TMED8: variants seen among roughly 807,000 people sequenced by gnomAD.
The protein encoded by TMED8 is transmembrane p24 trafficking protein family member 8.
Under a neutral mutation model 32.7 loss-of-function variants are expected in TMED8, and 15 were observed. The observed-to-expected ratio is 0.46, with a 90% CI of 0.31 to 0.71. The LOEUF is 0.71. TMED8 is among the 30% of genes least tolerant of loss of function. The pLI is 0.06. For missense variants in TMED8, 390 were observed against 423.9 expected (o/e 0.92, Z 0.70); for synonymous variants, 147 against 161.4 (o/e 0.91, Z 0.68).
intron 3 of TMED8, among the ~76,000 whole-genome samples, chr14:77,345,659 CA>C (rs11297608): frequency 0.21 from 21,492 of 101,160 alleles, 1,424 homozygotes; most frequent in African/African-American, 0.3. Flanking sequence ...ACCTTTGTCT[CA>C]AAAAAAAAAA....
chr14:77,372,926 A>T (rs868637424), intron 1 of TMED8, among the ~76,000 whole-genome samples: 521 of 25,452 alleles, frequency 0.02, 28 homozygotes, highest in African/African-American at 0.053. Context: ...ATATATATAT[A>T]TATATATATA....
chr14:77,372,907 TATATA>T (rs1292713522), intron 1 of TMED8, among the ~76,000 whole-genome samples: 1,919 of 41,750 alleles, frequency 0.046, 140 homozygotes, highest in East Asian at 0.072. Context: ...CCACAGATAT[TATATA>T]TATATATATA....
In TMED8 at chr14:77,376,900, G is replaced by C; in HGVS notation, c.118+36C>G. The C allele has an allele frequency of 7.7e-7, 1 of 1,301,794 alleles. No homozygotes were observed. Among genetic ancestry groups the C allele is most frequent in the Non-Finnish European group, 1.0e-6 (1 of 994,164 alleles). The allele number at this position is 1,301,794 out of a possible 1,614,324, so 80.6% of individuals were successfully genotyped here. On this transcript the variant is annotated intron_variant, in intron 1 of 5. Coordinates refer to ENST00000216468, the MANE Select transcript of TMED8 (RefSeq NM_213601.3). This position sits in a 1 kb window ranked among gnomAD's most constrained non-coding sequence, Gnocchi z 4.0. Reference sequence around the variant, plus strand: ...CCGTGGTGCGGGGCCCTGAGGCCGGGCGGCACCCACCCGCCAGCGCCCCGG... The same window carrying C: ...CCGTGGTGCGGGGCCCTGAGGCCGGCCGGCACCCACCCGCCAGCGCCCCGG...
At chr14:77,353,965 T>C (rs1201612749) in intron 1 of TMED8, among the ~76,000 whole-genome samples, 1 of 152,168 alleles carries the variant, frequency 6.6e-6, no homozygotes, top group African/African-American at 2.4e-5. Flanking sequence ...TAAATTCTAC[T>C]CTTTGACCAC....
intron 3 of TMED8, 92 bp downstream of exon 3, chr14:77,346,257 C>CCCT: frequency 7.3e-7 from 1 of 1,376,608 alleles, no homozygotes; most frequent in Non-Finnish European, 9.9e-7. Flanking sequence ...CCGGGAGCCA[C>CCCT]CCTCGCAGTG....
chr14:77,359,466 G>A, intron 1 of TMED8: 1 of 237,350 alleles, frequency 4.2e-6, no homozygotes, highest in South Asian at 4.7e-5. Flanking sequence ...GTGTCACAAA[G>A]AAATACCAAT....
chr14:77,361,404 GGTTT>G (rs1317985573), intron 1 of TMED8, among the ~76,000 whole-genome samples: 1 of 152,010 alleles, frequency 6.6e-6, no homozygotes, highest in Non-Finnish European at 1.5e-5. Context: ...TATATGCTTG[GGTTT>G]GTTTCTAGGC....
At chr14:77,346,218 G>A (rs531214949) in intron 3 of TMED8, 131 bp downstream of exon 3, 1 of 881,390 alleles carries the variant, frequency 1.1e-6, no homozygotes, top group African/African-American at 1.7e-5. Flanking sequence ...AGACCAAGAT[G>A]CCCTAAATTA....
At chr14:77,359,605 C>T in intron 1 of TMED8, 1 of 396,394 alleles carries the variant, frequency 2.5e-6, no homozygotes, top group South Asian at 1.9e-5. Flanking sequence ...GATCAAAAAA[C>T]AGTTTAAAAA....
rs1893825889 is a variant in TMED8 at position 77,376,704 on chromosome 14, G to A, written c.118+232C>T. 6.2e-6 allele frequency: 2 copies of A among 321,962 alleles called. No individual in the cohort carries two copies. The highest frequency in any genetic ancestry group is 3.1e-4 in the South Asian group (2 of 6,514). The allele number at this position is 321,962 out of a possible 1,614,324, so 19.9% of individuals were successfully genotyped here. On this transcript the variant is annotated intron_variant, in intron 1 of 5. Coordinates refer to ENST00000216468, the MANE Select transcript of TMED8 (RefSeq NM_213601.3). This position sits in a 1 kb window ranked among gnomAD's most constrained non-coding sequence, Gnocchi z 4.0. The stretch of plus-strand genomic sequence containing the variant: ...CTACCATTTGGGCAGATCTCAGAAA[G>A]GAAGCGGGGCAGGAATCAAGGCATT...
rs1273546522 is a variant in TMED8 at position 77,336,322 on chromosome 14, T to G, written c.*5449A>C. On this transcript the variant is annotated 3_prime_UTR_variant, in exon 6 of 6. Coordinates refer to ENST00000216468, the MANE Select transcript of TMED8 (RefSeq NM_213601.3). Reference sequence around the variant, plus strand: ...TGAAGAGTCATGACATTAACTCTGGTCCACATACCTGGGGCCTAAAAAAAT... The same window carrying G: ...TGAAGAGTCATGACATTAACTCTGGGCCACATACCTGGGGCCTAAAAAAAT... 1 of 152,138 alleles carries G rather than the reference T, an allele frequency of 6.6e-6. No homozygotes were observed. Among genetic ancestry groups the G allele is most frequent in the Non-Finnish European group, 1.5e-5 (1 of 68,014 alleles). 9.4% of individuals were successfully genotyped at this position (152,138 alleles called of 1,614,324 possible). A position where few individuals can be genotyped will look rare whatever the true frequency, so the allele number is the denominator to read the frequency against.
rs1892834313 is a variant in TMED8 at position 77,339,146 on chromosome 14, A to T, written c.*2625T>A. 1.3e-5 allele frequency: 2 copies of T among 152,236 alleles called. No individual in the cohort carries two copies. The highest frequency in any genetic ancestry group is 2.9e-5 in the Non-Finnish European group (2 of 68,036). The allele number at this position is 152,236 out of a possible 1,614,324, so 9.4% of individuals were successfully genotyped here. A position where few individuals can be genotyped will look rare whatever the true frequency, so the allele number is the denominator to read the frequency against. Reference sequence around the variant, plus strand: ...TCTCAGTAATTACCTGTGCTTCAGTAAGTAGTATCTTGCCCCTAAAGTTCA... The same window carrying T: ...TCTCAGTAATTACCTGTGCTTCAGTTAGTAGTATCTTGCCCCTAAAGTTCA... On this transcript the variant is annotated 3_prime_UTR_variant, in exon 6 of 6. Transcript: ENST00000216468.
At chr14:77,354,747 A>G (rs910417096) in intron 1 of TMED8, among the ~76,000 whole-genome samples, 1 of 152,168 alleles carries the variant, frequency 6.6e-6, no homozygotes, top group African/African-American at 2.4e-5. Context: ...TGAGGTCAGG[A>G]GTTCAAGACC....
chr14:77,354,563 T>C (rs1450240235), intron 1 of TMED8, among the ~76,000 whole-genome samples: 1 of 151,820 alleles, frequency 6.6e-6, no homozygotes, highest in Non-Finnish European at 1.5e-5. Context: ...TTGTTCACTG[T>C]AAAAAAAATA....
intron 1 of TMED8, among the ~76,000 whole-genome samples, chr14:77,360,973 C>CTTTTTTTTTTTTTTTTTTT (rs71128616): frequency 1.2e-5 from 1 of 85,492 alleles, no homozygotes; most frequent in African/African-American, 5.1e-5. Flanking sequence ...GATCCTTTGC[C>CTTTTTTTTTTTTTTTTTTT]TTTTTTTTTT....
intron 1 of TMED8, among the ~76,000 whole-genome samples, chr14:77,354,884 G>A (rs537775893): frequency 6.6e-6 from 1 of 152,028 alleles, no homozygotes; most frequent in African/African-American, 2.4e-5. Context: ...AACCCTGGAG[G>A]AAGAGGTTGC....
chr14:77,341,525 A>C lies in TMED8; in HGVS notation c.*246T>G. The C allele has an allele frequency of 1.8e-6, 1 of 545,038 alleles. No homozygotes were observed. The highest frequency in any genetic ancestry group is 1.9e-5 in the African/African-American group (1 of 52,884). 33.8% of individuals were successfully genotyped at this position (545,038 alleles called of 1,614,324 possible). ...TGCCCCATAGGTGCCTTCAAGAGGG[A>C]ATTTGCTGGAGTCTGAAGCAAGAAG... is the stretch of plus-strand genomic sequence containing the variant. On this transcript the variant is annotated 3_prime_UTR_variant, in exon 6 of 6. Transcript: ENST00000216468.
Position 77,338,451 on chromosome 14 carries a change from C to T in TMED8, c.*3320G>A, listed in dbSNP as rs1227765104. The T allele has an allele frequency of 6.6e-6, 1 of 152,192 alleles. No homozygotes were observed. Among genetic ancestry groups the T allele is most frequent in the Non-Finnish European group, 1.5e-5 (1 of 68,036 alleles). The allele number at this position is 152,192 out of a possible 1,614,324, so 9.4% of individuals were successfully genotyped here. A position where few individuals can be genotyped will look rare whatever the true frequency, so the allele number is the denominator to read the frequency against. ...TTAAGCCAAGCCTCCCTTACTTTAA[C>T]TTAAGCTGACTTCATCTTTTCAGGT... On this transcript the variant is annotated 3_prime_UTR_variant, in exon 6 of 6. Transcript: ENST00000216468.
intron 2 of TMED8, among the ~76,000 whole-genome samples, 184 bp from the exon 3 acceptor site, chr14:77,346,662 T>C (rs957395160): frequency 2.6e-5 from 4 of 151,660 alleles, no homozygotes; most frequent in South Asian, 2.1e-4. Context: ...CAGTAAAGTG[T>C]TGACAGTGTG....
Sources: gnomAD v4.1 joint callset for allele counts (sites outside exome capture counted in the v4.1 genomes callset) on GRCh38, gnomAD v4.1.1 for gene constraint, Gnocchi (gnomAD v3.1) non-coding constraint, MANE v1.5 for transcripts, NCBI Gene and HGNC (gene_info 2026-07-23, HGNC 2026-07-21) for gene names.